ZNF618: variants seen among roughly 807,000 people sequenced by gnomAD.
ZNF618 encodes the protein neural precursor cell expressed, developmentally down-regulated 10.
ZNF618 carries 34 observed loss-of-function variants against 103.0 expected under a neutral mutation model. That is an observed-to-expected ratio of 0.33 (90% CI 0.25 to 0.44). The LOEUF (loss-of-function observed/expected upper bound fraction) is 0.44. Among genes scored for constraint, ZNF618 ranks in the 20% least tolerant of loss-of-function variants. The pLI is 1.00. For missense variants in ZNF618, 1,059 were observed against 1,295.4 expected (o/e 0.82, Z 2.80); for synonymous variants, 551 against 542.2 (o/e 1.02, Z -0.23).
chr9:114,049,285 C>T lies in ZNF618; in HGVS notation c.1983C>T (p.Val661=). 1.2e-6 allele frequency: 2 copies of T among 1,612,326 alleles called. No individual in the cohort carries two copies. Among genetic ancestry groups the T allele is most frequent in the Middle Eastern group, 1.7e-4 (1 of 6,060 alleles). The change falls in exon 15 of 15, where the codon GTC becomes GTT. Residue 661 remains valine (V), a synonymous_variant. Transcript: ENST00000374126. ...RTLQARSMHE[V]IELLNVCEDL... Reference sequence around the variant, plus strand: ...TGCAGGCCCGCAGCATGCACGAGGTCATCGAGCTGCTCAACGTGTGCGAGG... The same window carrying T: ...TGCAGGCCCGCAGCATGCACGAGGTTATCGAGCTGCTCAACGTGTGCGAGG...
At chr9:113,934,267 C>T (rs1833852056) in intron 1 of ZNF618, among the ~76,000 whole-genome samples, 1 of 151,950 alleles carries the variant, frequency 6.6e-6, no homozygotes, top group African/African-American at 2.4e-5. Context: ...CAGGCTGCTG[C>T]TGTTTGGAAG....
intron 2 of ZNF618, among the ~76,000 whole-genome samples, chr9:113,986,190 T>C (rs1450159770): frequency 6.6e-6 from 1 of 152,176 alleles, no homozygotes; most frequent in African/African-American, 2.4e-5. Flanking sequence ...TTGATTAAAA[T>C]CTGCATGACA....
chr9:113,938,012 G>T (rs1403214380), intron 1 of ZNF618, among the ~76,000 whole-genome samples: 1 of 152,028 alleles, frequency 6.6e-6, no homozygotes, highest in East Asian at 1.9e-4. Context: ...ACTCCACAAG[G>T]TCTCTCAGAA....
intron 5 of ZNF618, 94 bp downstream of exon 5, chr9:114,002,167 C>A: frequency 9.1e-7 from 1 of 1,093,798 alleles, no homozygotes; most frequent in Non-Finnish European, 1.4e-6. Flanking sequence ...ACCCCAGAGG[C>A]CCTGACAGCT....
At chr9:114,024,824 G>T (rs1843362479) in intron 10 of ZNF618, among the ~76,000 whole-genome samples, 1 of 151,860 alleles carries the variant, frequency 6.6e-6, no homozygotes, top group African/African-American at 2.4e-5. Flanking sequence ...ATTTCAAGGG[G>T]GCCCATATGC....
chr9:113,923,947 G>A (rs931693045), intron 1 of ZNF618, among the ~76,000 whole-genome samples: 2 of 152,040 alleles, frequency 1.3e-5, no homozygotes, highest in African/African-American at 4.8e-5. Flanking sequence ...CATCTTGGCA[G>A]TCAACAAGTT....
intron 1 of ZNF618, among the ~76,000 whole-genome samples, chr9:113,962,333 A>G (rs1836928094): frequency 6.6e-6 from 1 of 152,086 alleles, no homozygotes; most frequent in Non-Finnish European, 1.5e-5. Context: ...TGCCACCATC[A>G]TCTTTTCCCT....
intron 3 of ZNF618, among the ~76,000 whole-genome samples, chr9:113,997,262 C>A (rs1180399818): frequency 6.6e-6 from 1 of 152,020 alleles, no homozygotes; most frequent in Non-Finnish European, 1.5e-5. Flanking sequence ...TGTGCTCCAC[C>A]ATGCCCAGCT....
At chr9:114,024,075 A>G (rs1843291804) in intron 10 of ZNF618, among the ~76,000 whole-genome samples, 1 of 152,244 alleles carries the variant, frequency 6.6e-6, no homozygotes, top group South Asian at 2.1e-4. Flanking sequence ...ATATTTGATA[A>G]TCAATAATGT....
At chr9:113,972,944 C>T (rs565432627) in intron 2 of ZNF618, among the ~76,000 whole-genome samples, 9 of 152,240 alleles carry the variant, frequency 5.9e-5, no homozygotes, top group Non-Finnish European at 1.0e-4. Flanking sequence ...TGGCACACAC[C>T]TGTAATCCCA....
chr9:113,917,295 C>T lies in ZNF618; in HGVS notation c.33+40882C>T, dbSNP rs886361930. On this transcript the variant is annotated intron_variant, in intron 1 of 14. Coordinates refer to ENST00000374126, the MANE Select transcript of ZNF618 (RefSeq NM_001318042.2). The stretch of plus-strand genomic sequence containing the variant: ...GGGTCTGGCTTTGTCACCCAGGCTG[C>T]AGTGCAGTGGCTAAGTCTCCACTCA... 6.0e-5 allele frequency among the ~76,000 whole-genome samples: 8 copies of T among 133,224 alleles called. No individual in the cohort carries two copies. The East Asian group carries it at 1.8e-3, about 30-fold the overall frequency. 87.4% of individuals were successfully genotyped at this position (133,224 alleles called of 152,430 possible). A position where few individuals can be genotyped will look rare whatever the true frequency, so the allele number is the denominator to read the frequency against.
At chr9:113,938,559 ATTTTCTTT>A (rs1181176525) in intron 1 of ZNF618, among the ~76,000 whole-genome samples, 49 of 97,490 alleles carry the variant, frequency 5.0e-4, no homozygotes, top group African/African-American at 1.6e-3. Context: ...CTCCCATTAT[ATTTTCTTT>A]TTTTCTTTTT....
At chr9:113,969,222 G>A (rs1170127373) in intron 2 of ZNF618, 62 bp downstream of exon 2, 27 of 1,594,780 alleles carry the variant, frequency 1.7e-5, no homozygotes, top group Non-Finnish European at 2.3e-5. Context: ...ATGACTAACA[G>A]TTACCACTCT....
At chr9:114,004,708 T>A (rs113514253) in intron 6 of ZNF618, among the ~76,000 whole-genome samples, 1 of 152,316 alleles carries the variant, frequency 6.6e-6, no homozygotes, top group Non-Finnish European at 1.5e-5. Context: ...TTAGAACGCC[T>A]GGCCTCCACT....
intron 1 of ZNF618, among the ~76,000 whole-genome samples, chr9:113,963,768 T>C (rs570069560): frequency 2.6e-5 from 4 of 152,338 alleles, no homozygotes; most frequent in South Asian, 2.1e-4. Flanking sequence ...TTCAACTATA[T>C]TTGCCGAGTA....
At chr9:114,033,642 TG>T (rs1357376852) in intron 12 of ZNF618, among the ~76,000 whole-genome samples, 1 of 152,010 alleles carries the variant, frequency 6.6e-6, no homozygotes, top group South Asian at 2.1e-4. Flanking sequence ...GGGGTCAGCC[TG>T]GGGGGTGCCT....
intron 10 of ZNF618, among the ~76,000 whole-genome samples, chr9:114,023,710 A>G (rs1333108345): frequency 6.6e-6 from 1 of 152,008 alleles, no homozygotes. Context: ...TATTTTTTTG[A>G]AGGATTTTTT....
At chr9:114,013,374 A>T (rs892201507) in intron 9 of ZNF618, among the ~76,000 whole-genome samples, 14 of 152,278 alleles carry the variant, frequency 9.2e-5, no homozygotes, top group Non-Finnish European at 1.8e-4. Context: ...AAATCTGATT[A>T]TAAAATTGCA....
intron 10 of ZNF618, among the ~76,000 whole-genome samples, chr9:114,018,178 A>G (rs952182304): frequency 6.6e-6 from 1 of 152,212 alleles, no homozygotes; most frequent in Admixed American, 6.5e-5. Context: ...TAGGTCATTC[A>G]GTACCCGCCA....
Sources: allele counts gnomAD v4.1 joint callset (sites outside exome capture counted in the v4.1 genomes callset), GRCh38; gene constraint gnomAD v4.1.1; transcripts MANE v1.5; gene names NCBI Gene and HGNC (gene_info 2026-07-23, HGNC 2026-07-21).